The following GBP2 variants were observed in gnomAD, a reference collection of about 807,000 sequenced individuals.
GBP2 encodes guanylate-binding protein 2.
GBP2 carries 54 observed loss-of-function variants against 60.8 expected under a neutral mutation model. That is an observed-to-expected ratio of 0.89 (90% confidence interval 0.71 to 1.11). GBP2 has a LOEUF of 1.11. Ranked by LOEUF, GBP2 falls within the 50% of genes most tolerant of loss-of-function variation. The pLI is 0.00. For missense variants in GBP2, 665 were observed against 703.3 expected (o/e 0.95, Z 0.62); for synonymous variants, 243 against 256.5 (o/e 0.95, Z 0.50).
intron 7 of GBP2, among the ~76,000 whole-genome samples, chr1:89,113,467 A>G (rs1681206467): frequency 6.6e-6 from 1 of 152,216 alleles, no homozygotes; most frequent in Admixed American, 6.5e-5. Flanking sequence ...CGTATCATTT[A>G]TAAGATCCTG....
Position 89,117,231 on chromosome 1 carries a change from G to A in GBP2, c.629C>T (p.Thr210Ile), listed in dbSNP as rs145069034. 2,200 of 1,611,098 alleles carry A rather than the reference G, an allele frequency of 1.4e-3. 3 individuals carry two copies. Among genetic ancestry groups the A allele is most frequent in the Non-Finnish European group, 1.8e-3 (2,106 of 1,177,404 alleles). The change falls in exon 6 of 11, where the codon ACT (threonine) becomes ATT (isoleucine). Residue 210 changes from threonine to isoleucine, a missense_variant. Transcript: ENST00000370466. Reference sequence around the variant, plus strand: ...ATTAAAGCTTTTACTTTTCTTATCAGTACCTACAGGAATGAAAATTAGAAG... The same window carrying A: ...ATTAAAGCTTTTACTTTTCTTATCAATACCTACAGGAATGAAAATTAGAAG... The part of the protein sequence containing the change: ...LELSLKLRKG[T>I]DKKSKSFNDP...
intron 4 of GBP2, chr1:89,119,079 A>C (rs1221925755): frequency 6.6e-6 from 1 of 152,226 alleles, no homozygotes. Context: ...AAGCAGAAAA[A>C]GAAAAGAGGC....
At position 89,121,162 on chromosome 1, in the gene GBP2, C is replaced by A; in HGVS notation, c.299G>T (p.Gly100Val). Residue 100 changes from glycine (G) to valine (V), a missense_variant, in exon 3 of 11, where the codon GGC becomes GTC. Gly to Val is a moderately radical substitution (Grantham distance 109). Transcript: ENST00000370466. ...TTTTACCTTCTCTATATCTCCCAGG[C>A]CCTCAGTGTCGAGCAGAACTAGGGT... is the stretch of plus-strand genomic sequence containing the variant. The part of the protein sequence containing the change: ...EHTLVLLDTE[G>V]LGDIEKGDNE... The A allele has an allele frequency of 6.2e-7, 1 of 1,612,204 alleles. No individual in the cohort carries two copies. Among genetic ancestry groups the A allele is most frequent in the South Asian group, 1.1e-5 (1 of 90,888 alleles).
At position 89,110,179 on chromosome 1, in the gene GBP2, C is replaced by A; in HGVS notation, c.1450G>T (p.Glu484Ter). 6.2e-7 allele frequency: 1 copy of A among 1,611,844 alleles called. No individual in the cohort carries two copies. The highest frequency in any genetic ancestry group is 1.7e-4 in the Middle Eastern group (1 of 6,054). Residue 484 changes from glutamate (E) to a stop codon, truncating the protein, a stop_gained, in exon 9 of 11, where the codon GAA becomes TAA. Coordinates refer to ENST00000370466, the MANE Select transcript of GBP2 (RefSeq NM_004120.5). LOFTEE classifies it high-confidence loss of function. ...CTGTTCTCACCTTCAATCGCTTTTT[C>A]CTTTTCTGAGAGTGACTGATCAGTC... ...LQTDQSLSEKEKAIEVERIKA... is the reference protein window; with the variant it reads ...LQTDQSLSEK
chr1:89,112,476 A>T lies in GBP2; in HGVS notation c.1358T>A (p.Ile453Lys), dbSNP rs750732216. The change falls in exon 8 of 11, where the codon ATA (isoleucine) becomes AAA (lysine). Residue 453 changes from isoleucine to lysine, a missense_variant. Coordinates refer to ENST00000370466, the MANE Select transcript of GBP2 (RefSeq NM_004120.5). ...GGTACCCACCGTGTAGTTTACCTGT[A>T]TCCCCTTCCTTGGCACCTGGTAGTA... ...NKYYQVPRKG[I>K]QAKEVLKKYL... is the part of the protein sequence containing the mutation. 3.1e-6 allele frequency: 5 copies of T among 1,613,488 alleles called. No homozygotes were observed. Among genetic ancestry groups the T allele is most frequent in the Admixed American group, 1.7e-5 (1 of 59,996 alleles).
chr1:89,109,287 T>C (rs1002136870), intron 10 of GBP2, among the ~76,000 whole-genome samples: 8 of 152,162 alleles, frequency 5.3e-5, no homozygotes, highest in African/African-American at 1.9e-4. Context: ...TCCCTCTCAG[T>C]AGGAAAGACT....
chr1:89,124,833 C>T (rs147366930), intron 1 of GBP2, among the ~76,000 whole-genome samples: 3 of 152,180 alleles, frequency 2.0e-5, no homozygotes, highest in Admixed American at 1.3e-4. Context: ...CAGATTTTAA[C>T]CTCTCTGTGT....
chr1:89,121,208 G>A lies in GBP2; in HGVS notation c.253C>T (p.His85Tyr). Residue 85 changes from histidine (H) to tyrosine (Y), a missense_variant, in exon 3 of 11, where the codon CAT (histidine) becomes TAT (tyrosine). His to Tyr is a moderately conservative substitution (Grantham distance 83). Transcript: ENST00000370466. ...AGGGTGTGTTCTGGCTTCTTGGGAT[G>A]AGGCACACACCACATCCAGATTCCC... ...TKGIWMWCVP[H>Y]PKKPEHTLVL... 1 of 1,612,648 alleles carries A rather than the reference G, an allele frequency of 6.2e-7. No homozygotes were observed. The highest frequency in any genetic ancestry group is 1.1e-5 in the South Asian group (1 of 91,018).
intron 5 of GBP2, 22 bp downstream of exon 5, chr1:89,117,555 A>C: frequency 6.3e-7 from 1 of 1,590,886 alleles, no homozygotes; most frequent in Non-Finnish European, 8.6e-7. Context: ...TTATTACCCA[A>C]CCAAGCATCA....
At chr1:89,115,553 C>A (rs1277782844) in intron 6 of GBP2, among the ~76,000 whole-genome samples, 1 of 152,292 alleles carries the variant, frequency 6.6e-6, no homozygotes, top group Non-Finnish European at 1.5e-5. Context: ...AATTATGACA[C>A]CACTCTTATT....
At chr1:89,109,917 G>C in intron 9 of GBP2, 47 bp from the exon 10 acceptor site, 1 of 1,514,756 alleles carries the variant, frequency 6.6e-7, no homozygotes, top group Admixed American at 1.9e-5. Context: ...TTCAATTGTA[G>C]GTGTTCCCTT....
At chr1:89,110,948 A>G (rs1235025963) in intron 8 of GBP2, among the ~76,000 whole-genome samples, 2 of 152,346 alleles carry the variant, frequency 1.3e-5, no homozygotes, top group East Asian at 3.9e-4. Context: ...CATTAAAAGG[A>G]TCACTCATCA....
At position 89,120,163 on chromosome 1, in the gene GBP2, C is replaced by A. The variant is rs765687608; in HGVS notation, c.428+16G>T. On this transcript the variant is annotated intron_variant, in intron 4 of 10. Coordinates refer to ENST00000370466, the MANE Select transcript of GBP2 (RefSeq NM_004120.5). ...TTTCTAGGTTTACTGCTGTTCTGGA[C>A]CACAAAAAAGGATACTGAAGTTGGT... 6.3e-7 allele frequency: 1 copy of A among 1,591,702 alleles called. No homozygotes were observed. The highest frequency in any genetic ancestry group is 1.3e-5 in the African/African-American group (1 of 74,382).
At position 89,117,184 on chromosome 1, in the gene GBP2, T is replaced by C. The variant is rs1033793206; in HGVS notation, c.676A>G (p.Lys226Glu). ...SFNDPRLCIR[K>E]FFPKRKCFVF... The stretch of plus-strand genomic sequence containing the variant: ...AAGCACTTCCTCTTGGGGAAGAACT[T>C]TCGGATGCACAACCGAGGATCATTA... Residue 226 changes from lysine (K) to glutamate (E), a missense_variant, in exon 6 of 11, where the codon AAG becomes GAG. Coordinates refer to ENST00000370466, the MANE Select transcript of GBP2 (RefSeq NM_004120.5). 6.2e-7 allele frequency: 1 copy of C among 1,614,032 alleles called. No homozygotes were observed. The highest frequency in any genetic ancestry group is 1.3e-5 in the African/African-American group (1 of 74,942).
intron 3 of GBP2, among the ~76,000 whole-genome samples, 179 bp from the exon 4 acceptor site, chr1:89,120,467 T>C (rs1246625295): frequency 5.9e-5 from 9 of 152,206 alleles, no homozygotes; most frequent in Non-Finnish European, 1.3e-4. Flanking sequence ...ATATTTATGA[T>C]GTATAATTTA....
At position 89,117,598 on chromosome 1, in the gene GBP2, G is replaced by C; in HGVS notation, c.604C>G (p.Leu202Val). Reference sequence around the variant, plus strand: ...TAACCTTTTCTTAGCTTTAGCGAAAGCTCCAAGTAGTCATCAGCAGTGATG... The same window carrying C: ...TAACCTTTTCTTAGCTTTAGCGAAACCTCCAAGTAGTCATCAGCAGTGATG... ...EPITADDYLE[L>V]SLKLRKGTDK... is the part of the protein sequence containing the mutation. Residue 202 changes from leucine to valine, a missense_variant, in exon 5 of 11, where the codon CTT becomes GTT. Transcript: ENST00000370466. 2.5e-6 allele frequency: 4 copies of C among 1,613,552 alleles called. No homozygotes were observed. Among genetic ancestry groups the C allele is most frequent in the African/African-American group, 1.3e-5 (1 of 75,000 alleles).
In GBP2 at chr1:89,117,077, T is replaced by C; in HGVS notation, c.783A>G (p.Ile261Met). Reference sequence around the variant, plus strand: ...AGGAACAAAATTCTGCAACTTGTTCTATGAAATCAGGGTTCAGCTCTTCCT... The same window carrying C: ...AGGAACAAAATTCTGCAACTTGTTCCATGAAATCAGGGTTCAGCTCTTCCT... ...LKEEELNPDF[I>M]EQVAEFCSYI... The change falls in exon 6 of 11, where the codon ATA (isoleucine) becomes ATG (methionine). Residue 261 changes from isoleucine (I) to methionine (M), a missense_variant. By Grantham distance (10) the Ile-to-Met change is conservative. Transcript: ENST00000370466. 1 of 1,614,162 alleles carries C rather than the reference T, an allele frequency of 6.2e-7. No homozygotes were observed. The highest frequency in any genetic ancestry group is 8.5e-7 in the Non-Finnish European group (1 of 1,180,020).
Position 89,117,612 on chromosome 1 carries a change from T to C in GBP2, c.590A>G (p.Asp197Gly), listed in dbSNP as rs1681304801. Residue 197 changes from aspartate to glycine, a missense_variant, in exon 5 of 11, where the codon GAT becomes GGT. Coordinates refer to ENST00000370466, the MANE Select transcript of GBP2 (RefSeq NM_004120.5). Reference sequence around the variant, plus strand: ...CTTTAGCGAAAGCTCCAAGTAGTCATCAGCAGTGATGGGTTCTCCATCTAC... The same window carrying C: ...CTTTAGCGAAAGCTCCAAGTAGTCACCAGCAGTGATGGGTTCTCCATCTAC... ...LEVDGEPITA[D>G]DYLELSLKLR... 2.5e-6 allele frequency: 4 copies of C among 1,614,086 alleles called. No homozygotes were observed. In the South Asian group the frequency reaches 4.4e-5, roughly 18 times the overall value.
chr1:89,121,274 TAGA>T lies in GBP2; in HGVS notation c.191-7_191-5del, dbSNP rs533040860. On this transcript the variant is annotated splice_region_variant and splice_polypyrimidine_tract_variant and intron_variant, in intron 2 of 10. Coordinates refer to ENST00000370466, the MANE Select transcript of GBP2 (RefSeq NM_004120.5). ...ACTGTGGAGCCTAGAGAGAAGCCTG[TAGA>T]AGGAGAGGATAAAAGGGAAAAGAAA... 627 of 1,597,198 alleles carry T rather than the reference TAGA, an allele frequency of 3.9e-4. 2 individuals are homozygous for T. The African/African-American group carries it at 7.7e-3, about 20-fold the overall frequency.
Sources: gnomAD v4.1 joint callset for allele counts (sites outside exome capture counted in the v4.1 genomes callset) on GRCh38, gnomAD v4.1.1 for gene constraint, MANE v1.5 for transcripts, NCBI Gene and HGNC (gene_info 2026-07-23, HGNC 2026-07-21) for gene names.